EPHB1: variants seen among roughly 807,000 people sequenced by gnomAD.
EPHB1 encodes the protein EPH receptor B1, also known as ephrin type-B receptor 1.
Under a neutral mutation model 94.4 loss-of-function variants are expected in EPHB1, and 30 were observed. The ratio of observed to expected loss-of-function variants is 0.32; its 90% CI spans 0.24 to 0.43. The LOEUF is 0.43. EPHB1 is among the 20% of genes least tolerant of loss of function. The pLI, the probability that EPHB1 is intolerant of heterozygous loss-of-function variation, is 1.00. For missense variants in EPHB1, 1,055 were observed against 1,308.3 expected, an observed-to-expected ratio of 0.81 and a Z score of 2.99; for synonymous variants, 522 against 489.1, an observed-to-expected ratio of 1.07 and a Z score of -0.89.
intron 3 of EPHB1, among the ~76,000 whole-genome samples, chr3:135,039,593 C>G (rs372033245): frequency 6.6e-6 from 1 of 152,240 alleles, no homozygotes; most frequent in African/African-American, 2.4e-5. Flanking sequence ...CAGCTAAGGC[C>G]CGGCGAGAAA....
intron 1 of EPHB1, among the ~76,000 whole-genome samples, chr3:134,922,842 G>C (rs2038715374): frequency 6.6e-6 from 1 of 152,214 alleles, no homozygotes; most frequent in Non-Finnish European, 1.5e-5. Context: ...GTCAGGGTGG[G>C]AAACTGTGTG....
chr3:135,070,385 C>A (rs942250583), intron 3 of EPHB1, among the ~76,000 whole-genome samples: 2 of 152,164 alleles, frequency 1.3e-5, no homozygotes, highest in African/African-American at 4.8e-5. Context: ...GTTTACTTGA[C>A]CTGCTTTAGA....
intron 3 of EPHB1, among the ~76,000 whole-genome samples, chr3:134,979,558 G>A (rs1263664215): frequency 6.6e-6 from 1 of 152,168 alleles, no homozygotes; most frequent in African/African-American, 2.4e-5. Flanking sequence ...TTTCCCATTT[G>A]CTTTTTAAAC....
intron 3 of EPHB1, among the ~76,000 whole-genome samples, chr3:134,989,136 C>T (rs879551095): frequency 6.6e-6 from 1 of 152,182 alleles, no homozygotes; most frequent in Non-Finnish European, 1.5e-5. Context: ...CTTACTGTGT[C>T]TCTGGCACCA....
At chr3:134,888,984 T>C (rs73217024) in intron 1 of EPHB1, among the ~76,000 whole-genome samples, 9,555 of 152,088 alleles carry the variant, frequency 0.063, 335 homozygotes, top group South Asian at 0.15. Flanking sequence ...GGTAAGTTAG[T>C]AGGGACTGAG....
intron 3 of EPHB1, among the ~76,000 whole-genome samples, chr3:135,014,088 C>T (rs1478625240): frequency 6.6e-6 from 1 of 152,188 alleles, no homozygotes; most frequent in East Asian, 1.9e-4. Context: ...GCCAGGAAAT[C>T]CAAAGGGCCC....
At chr3:134,846,470 G>T (rs2054419067) in intron 1 of EPHB1, among the ~76,000 whole-genome samples, 1 of 152,108 alleles carries the variant, frequency 6.6e-6, no homozygotes, top group African/African-American at 2.4e-5. Context: ...GCATCGCGTG[G>T]GTGCTCCTTT....
chr3:135,218,673 C>T (rs981459298), intron 12 of EPHB1, among the ~76,000 whole-genome samples: 5 of 152,230 alleles, frequency 3.3e-5, no homozygotes, highest in Admixed American at 3.3e-4. Context: ...TTCTCCTAGC[C>T]AATACATATT....
intron 4 of EPHB1, among the ~76,000 whole-genome samples, chr3:135,107,698 T>G (rs1473934524): frequency 6.6e-6 from 1 of 152,168 alleles, no homozygotes; most frequent in African/African-American, 2.4e-5. Context: ...AAGAATTACT[T>G]AATTCCAGCC....
chr3:135,127,842 A>G (rs1426913523), intron 4 of EPHB1, among the ~76,000 whole-genome samples: 1 of 152,160 alleles, frequency 6.6e-6, no homozygotes, highest in Non-Finnish European at 1.5e-5. Flanking sequence ...AACTCCAGTG[A>G]CAACCGTGCT....
At chr3:135,063,644 G>A (rs1188456660) in intron 3 of EPHB1, among the ~76,000 whole-genome samples, 1 of 152,142 alleles carries the variant, frequency 6.6e-6, no homozygotes, top group Non-Finnish European at 1.5e-5. Flanking sequence ...AACAGTGACA[G>A]TTTGACTTTT....
chr3:135,260,047 G>GA lies in EPHB1; in HGVS notation c.*937dup, dbSNP rs35067883. The stretch of plus-strand genomic sequence containing the variant: ...GAGAGGGAGAAAAATAAAATGAAAG[G>GA]AAAAAAAAAAGTTTGCAAATTCAGA... On this transcript the variant is annotated 3_prime_UTR_variant, in exon 16 of 16. Transcript: ENST00000398015. The GA allele has an allele frequency of 0.084, 18,883 of 223,786 alleles. 725 individuals carry two copies. Among genetic ancestry groups the GA allele is most frequent in the Middle Eastern group, 0.16 (116 of 728 alleles). 13.9% of individuals were successfully genotyped at this position (223,786 alleles called of 1,614,324 possible).
intron 4 of EPHB1, among the ~76,000 whole-genome samples, chr3:135,129,412 G>A (rs894626031): frequency 6.6e-6 from 1 of 151,994 alleles, no homozygotes; most frequent in African/African-American, 2.4e-5. Flanking sequence ...CAAGCAGTGG[G>A]TCATCACTGA....
chr3:135,236,274 A>G (rs1185548221), intron 12 of EPHB1, among the ~76,000 whole-genome samples: 1 of 152,060 alleles, frequency 6.6e-6, no homozygotes, highest in Admixed American at 6.6e-5. Context: ...CTCTGCCTCC[A>G]TCTTCACATG....
At chr3:134,954,819 C>T (rs189004235) in intron 3 of EPHB1, among the ~76,000 whole-genome samples, 1 of 152,296 alleles carries the variant, frequency 6.6e-6, no homozygotes, top group East Asian at 1.9e-4. Flanking sequence ...AAACCGTCTC[C>T]TGTCAAAGTC....
intron 3 of EPHB1, chr3:134,978,129 C>T (rs1934259100): frequency 2.5e-6 from 1 of 395,288 alleles, no homozygotes; most frequent in African/African-American, 2.1e-5. Context: ...TTCCCTTTCT[C>T]CCCTCAGAAG....
At chr3:134,902,968 C>A (rs570756789) in intron 1 of EPHB1, among the ~76,000 whole-genome samples, 1 of 152,306 alleles carries the variant, frequency 6.6e-6, no homozygotes, top group Non-Finnish European at 1.5e-5. Flanking sequence ...CTGTAAATTG[C>A]CATATTCCAT....
At chr3:134,946,611 T>C (rs770996405) in intron 2 of EPHB1, among the ~76,000 whole-genome samples, 1 of 152,146 alleles carries the variant, frequency 6.6e-6, no homozygotes, top group Non-Finnish European at 1.5e-5. Flanking sequence ...TGCTCTCCAA[T>C]GTTGGAGGTG....
intron 10 of EPHB1, among the ~76,000 whole-genome samples, chr3:135,191,181 C>T (rs375479932): frequency 6.6e-6 from 1 of 152,006 alleles, no homozygotes; most frequent in South Asian, 2.1e-4. Context: ...AAAGAACAGC[C>T]CCCCCAAAAC....
Sources: allele counts gnomAD v4.1 joint callset (sites outside exome capture counted in the v4.1 genomes callset), GRCh38; gene constraint gnomAD v4.1.1; transcripts MANE v1.5; gene names NCBI Gene and HGNC (gene_info 2026-07-23, HGNC 2026-07-21).